PTPRD: variants seen among roughly 807,000 people sequenced by gnomAD.
PTPRD encodes the protein receptor-type tyrosine-protein phosphatase delta.
In PTPRD, 34 loss-of-function variants were observed where a neutral mutation model predicts 214.5. The ratio of observed to expected loss-of-function variants is 0.16; its 90% confidence interval spans 0.12 to 0.21. The LOEUF (loss-of-function observed/expected upper bound fraction) is 0.21. Ranked by LOEUF, PTPRD falls within the 10% of genes least tolerant of loss-of-function variation. The pLI, the probability that PTPRD is intolerant of heterozygous loss-of-function variation, is 1.00. For synonymous variants in PTPRD, 1,128 were observed against 845.7 expected (o/e 1.33, Z -5.79); for missense variants, 2,545 against 2,398.7 (o/e 1.06, Z -1.27).
intron 11 of PTPRD, among the ~76,000 whole-genome samples, chr9:9,009,457 G>C (rs1258253477): frequency 6.6e-6 from 1 of 151,870 alleles, no homozygotes; most frequent in African/African-American, 2.4e-5. Flanking sequence ...ACATGTGAAG[G>C]ATGTGCAGGT....
chr9:8,357,163 CCAA>C (rs1188260030), intron 39 of PTPRD, among the ~76,000 whole-genome samples: 1 of 152,188 alleles, frequency 6.6e-6, no homozygotes, highest in Non-Finnish European at 1.5e-5. Context: ...CACTGCAATG[CCAA>C]CAATTCTTCT....
intron 3 of PTPRD, among the ~76,000 whole-genome samples, chr9:10,336,799 C>A (rs758322229): frequency 4.0e-5 from 6 of 151,450 alleles, no homozygotes; most frequent in Non-Finnish European, 7.4e-5. Context: ...GGTATTAGAC[C>A]AGTAATGAAA....
At chr9:10,115,784 A>T (rs1484557472) in intron 3 of PTPRD, among the ~76,000 whole-genome samples, 2 of 152,114 alleles carry the variant, frequency 1.3e-5, no homozygotes, top group Non-Finnish European at 2.9e-5. Flanking sequence ...GACATATTTG[A>T]ATAAGTTACT....
At chr9:9,895,423 G>A (rs4742635) in intron 5 of PTPRD, among the ~76,000 whole-genome samples, 124,090 of 151,966 alleles carry the variant, frequency 0.82, 52,210 homozygotes, top group East Asian at 1. Flanking sequence ...TCAATAGAAT[G>A]TTTGATAAAT....
At chr9:8,489,935 G>A (rs186259627) in intron 27 of PTPRD, among the ~76,000 whole-genome samples, 2 of 152,268 alleles carry the variant, frequency 1.3e-5, no homozygotes, top group Admixed American at 6.5e-5. Context: ...GATGCAGCAG[G>A]GTCCATGTTC....
At chr9:10,251,489 T>G (rs887145273) in intron 3 of PTPRD, among the ~76,000 whole-genome samples, 1 of 152,126 alleles carries the variant, frequency 6.6e-6, no homozygotes, top group Non-Finnish European at 1.5e-5. Flanking sequence ...AGTTATGTGA[T>G]TTACAACAAG....
intron 7 of PTPRD, among the ~76,000 whole-genome samples, chr9:9,646,624 C>T (rs1358802210): frequency 6.6e-6 from 1 of 152,014 alleles, no homozygotes; most frequent in East Asian, 1.9e-4. Context: ...ATGCCTTCTT[C>T]CTCCTCTTTA....
At chr9:9,473,458 T>G (rs2094779155) in intron 8 of PTPRD, among the ~76,000 whole-genome samples, 1 of 152,180 alleles carries the variant, frequency 6.6e-6, no homozygotes, top group Admixed American at 6.5e-5. Context: ...CTCTTTGATA[T>G]ATTGATTTTC....
At chr9:9,043,778 C>A (rs2099654822) in intron 10 of PTPRD, among the ~76,000 whole-genome samples, 1 of 151,934 alleles carries the variant, frequency 6.6e-6, no homozygotes. Flanking sequence ...GTGGTTTGTG[C>A]CTGTAGTCCC....
chr9:10,106,004 T>G (rs1232072540), intron 3 of PTPRD, among the ~76,000 whole-genome samples: 1 of 83,958 alleles, frequency 1.2e-5, no homozygotes, highest in Non-Finnish European at 2.2e-5. Context: ...TCCTGATCTA[T>G]CACATATTCA....
intron 11 of PTPRD, among the ~76,000 whole-genome samples, chr9:8,983,774 C>A (rs955199289): frequency 6.6e-6 from 1 of 152,016 alleles, no homozygotes; most frequent in South Asian, 2.1e-4. Flanking sequence ...ACCTCCACCT[C>A]CCAAAGCACT....
chr9:9,831,960 C>T (rs1163798111), intron 5 of PTPRD, among the ~76,000 whole-genome samples: 1 of 151,924 alleles, frequency 6.6e-6, no homozygotes, highest in East Asian at 1.9e-4. Flanking sequence ...AGTGGCATTT[C>T]AATGTCAGAC....
intron 11 of PTPRD, among the ~76,000 whole-genome samples, chr9:8,992,483 G>C (rs2099377716): frequency 6.6e-6 from 1 of 152,162 alleles, no homozygotes; most frequent in Admixed American, 6.6e-5. Context: ...TCTCACTCTA[G>C]AGAGAATGTC....
At chr9:8,761,384 G>C (rs72702330) in intron 11 of PTPRD, among the ~76,000 whole-genome samples, 10 of 152,234 alleles carry the variant, frequency 6.6e-5, no homozygotes, top group Non-Finnish European at 1.2e-4. Flanking sequence ...AAAGACTTCT[G>C]TCTTTTTCAC....
Position 8,991,327 on chromosome 9 carries a change from T to A in PTPRD, c.-104+27370A>T, listed in dbSNP as rs1221871797. On this transcript the variant is annotated intron_variant, in intron 11 of 45. Transcript: ENST00000381196. ...CTAGGATTAAATAAATTTGTTGTGC[T>A]TTTCTCTTGTTAACCTATCTTTTGT... is the stretch of plus-strand genomic sequence containing the variant. 3.9e-5 allele frequency among the ~76,000 whole-genome samples: 6 copies of A among 152,136 alleles called. No individual in the cohort carries two copies. The East Asian group carries it at 1.2e-3, about 29-fold the overall frequency.
At chr9:9,674,934 G>C (rs2096900748) in intron 7 of PTPRD, among the ~76,000 whole-genome samples, 1 of 151,752 alleles carries the variant, frequency 6.6e-6, no homozygotes, top group Non-Finnish European at 1.5e-5. Context: ...ACAAAAAAAA[G>C]TAGTTTAAGT....
intron 3 of PTPRD, among the ~76,000 whole-genome samples, chr9:10,207,223 T>G (rs1429145418): frequency 1.3e-5 from 2 of 151,718 alleles, no homozygotes; most frequent in Non-Finnish European, 2.9e-5. Flanking sequence ...ACTTTAGATT[T>G]GTTTTCTTTT....
chr9:9,975,738 A>G (rs933703107), intron 4 of PTPRD, among the ~76,000 whole-genome samples: 5 of 152,204 alleles, frequency 3.3e-5, no homozygotes, highest in African/African-American at 1.2e-4. Flanking sequence ...GAGCCCGTAG[A>G]TACACAGGTT....
At chr9:8,401,843 CA>C (rs1264093737) in intron 36 of PTPRD, among the ~76,000 whole-genome samples, 1 of 151,896 alleles carries the variant, frequency 6.6e-6, no homozygotes, top group Non-Finnish European at 1.5e-5. Flanking sequence ...CAAAAACACC[CA>C]AATTAAAACT....
Sources: gnomAD v4.1 joint callset for allele counts (sites outside exome capture counted in the v4.1 genomes callset) on GRCh38, gnomAD v4.1.1 for gene constraint, MANE v1.5 for transcripts, NCBI Gene and HGNC (gene_info 2026-07-23, HGNC 2026-07-21) for gene names.